ADGRV1: variants seen among roughly 807,000 people sequenced by gnomAD.
The protein encoded by ADGRV1 is G-protein coupled receptor 98.
Under a neutral mutation model 596.2 loss-of-function variants are expected in ADGRV1, and 359 were observed. The observed-to-expected ratio is 0.60, with a 90% CI of 0.55 to 0.66. The LOEUF is 0.66. ADGRV1 is among the 30% of genes least tolerant of loss of function. The probability of loss-of-function intolerance (pLI) is 0.00; values close to 1 mark genes in which losing one functional copy is unlikely to be tolerated. For synonymous variants in ADGRV1, 2,681 were observed against 2,679.2 expected (o/e 1.00, Z -0.02); for missense variants, 7,274 against 7,575.6 (o/e 0.96, Z 1.48).
chr5:91,001,970 C>T (rs372700035), intron 85 of ADGRV1, among the ~76,000 whole-genome samples: 2 of 152,118 alleles, frequency 1.3e-5, no homozygotes, highest in East Asian at 3.9e-4. Flanking sequence ...TGATATTATT[C>T]ACATCAGAAC....
In ADGRV1 at chr5:90,900,872, A is replaced by T. The variant is rs1202007135; in HGVS notation, c.17856+37015A>T. ...ATGTCCCCTACCCCAAAATACAAAG[A>T]ATAAAATAACAGTCTTTCATAGTAC... On this transcript the variant is annotated intron_variant, in intron 83 of 89. Coordinates refer to ENST00000405460, the MANE Select transcript of ADGRV1 (RefSeq NM_032119.4). Among the ~76,000 whole-genome samples the T allele has an allele frequency of 7.2e-5, 11 of 152,184 alleles. 1 individual carries two copies. The South Asian group carries it at 1.4e-3, about 20-fold the overall frequency.
At chr5:91,071,318 A>G (rs1440764743) in intron 85 of ADGRV1, among the ~76,000 whole-genome samples, 2 of 152,150 alleles carry the variant, frequency 1.3e-5, no homozygotes, top group African/African-American at 2.4e-5. Context: ...CCATGGCCAT[A>G]AATCCTGATG....
chr5:90,694,297 A>T lies in ADGRV1; in HGVS notation c.7541A>T (p.Gln2514Leu). 7 of 1,614,004 alleles carry T rather than the reference A, an allele frequency of 4.3e-6. No homozygotes were observed. Among genetic ancestry groups the T allele is most frequent in the Non-Finnish European group, 5.9e-6 (7 of 1,179,870 alleles). ...EPVTRQWAIM[Q>L]EGDEFANLTV... is the part of the protein sequence containing the mutation. ...GTGACAAGGCAATGGGCCATAATGC[A>T]GGAAGGTGATGAATTCGCAAATCTC... The change falls in exon 33 of 90, where the codon CAG (glutamine) becomes CTG (leucine). Residue 2514 changes from glutamine (Q) to leucine (L), a missense_variant. By Grantham distance (113) the Gln-to-Leu change is moderately radical. Transcript: ENST00000405460.
rs139702329 is a variant in ADGRV1, at chr5:90,784,439, C to T, written c.13653+382C>T. ...TTATTAAGCAGAGCTGAGCAATAAA[C>T]AACTAAAAATAAATTGATCTGATAA... On this transcript the variant is annotated intron_variant, in intron 67 of 89. Transcript: ENST00000405460. Among the ~76,000 whole-genome samples, 202 of 152,198 alleles carry T rather than the reference C, an allele frequency of 1.3e-3. 1 individual carries two copies. Among genetic ancestry groups the T allele is most frequent in the African/African-American group, 4.5e-3 (186 of 41,530 alleles).
intron 83 of ADGRV1, among the ~76,000 whole-genome samples, chr5:90,929,038 T>C (rs1195502673): frequency 1.3e-5 from 2 of 150,638 alleles, no homozygotes; most frequent in Non-Finnish European, 3.0e-5. Flanking sequence ...TCTTCAAAGC[T>C]GTCAGACAGG....
chr5:90,752,966 G>A (rs1012110867), intron 53 of ADGRV1, among the ~76,000 whole-genome samples: 1 of 152,152 alleles, frequency 6.6e-6, no homozygotes. Context: ...TGGTGTGTGA[G>A]GTGGGAATCA....
intron 69 of ADGRV1, 65 bp downstream of exon 69, chr5:90,789,916 G>A (rs762874491): frequency 2.4e-5 from 27 of 1,147,494 alleles, no homozygotes; most frequent in Admixed American, 3.7e-5. Context: ...AAGAGGGACA[G>A]GGAAACTGCA....
chr5:90,960,655 G>A (rs1352369406), intron 83 of ADGRV1, among the ~76,000 whole-genome samples: 2 of 152,166 alleles, frequency 1.3e-5, no homozygotes, highest in Non-Finnish European at 2.9e-5. Context: ...CTAGGAATCT[G>A]CCGTGATCAG....
At chr5:90,755,910 A>G (rs1377074995) in intron 55 of ADGRV1, among the ~76,000 whole-genome samples, 2 of 150,498 alleles carry the variant, frequency 1.3e-5, no homozygotes, top group African/African-American at 4.9e-5. Context: ...GTTTTAGGTA[A>G]TAGTATCTCC....
intron 21 of ADGRV1, among the ~76,000 whole-genome samples, chr5:90,663,761 C>G (rs1450416612): frequency 6.6e-6 from 1 of 152,004 alleles, no homozygotes; most frequent in Non-Finnish European, 1.5e-5. Context: ...ATGTTTAAGT[C>G]TTTAATCCAT....
chr5:91,089,805 C>T (rs572995762), intron 86 of ADGRV1, among the ~76,000 whole-genome samples: 1 of 152,224 alleles, frequency 6.6e-6, no homozygotes, highest in South Asian at 2.1e-4. Context: ...GACCATTTAG[C>T]CAGATTCAAA....
chr5:91,062,320 C>A (rs919173388), intron 85 of ADGRV1, among the ~76,000 whole-genome samples: 1 of 152,202 alleles, frequency 6.6e-6, no homozygotes, highest in African/African-American at 2.4e-5. Flanking sequence ...CAGATTGGCT[C>A]AGCTCAGCTT....
intron 85 of ADGRV1, among the ~76,000 whole-genome samples, chr5:91,027,940 A>AT (rs986430887): frequency 6.6e-6 from 1 of 151,940 alleles, no homozygotes; most frequent in African/African-American, 2.4e-5. Flanking sequence ...TGCTAAGGGA[A>AT]TTTTTTTCCA....
chr5:90,785,728 G>A (rs1759364709), intron 67 of ADGRV1, among the ~76,000 whole-genome samples: 1 of 152,116 alleles, frequency 6.6e-6, no homozygotes, highest in African/African-American at 2.4e-5. Context: ...TTAGAATGGC[G>A]ATCATTAAAA....
chr5:90,801,762 C>A (rs901683148), intron 70 of ADGRV1, among the ~76,000 whole-genome samples: 1 of 152,012 alleles, frequency 6.6e-6, no homozygotes, highest in Non-Finnish European at 1.5e-5. Context: ...TGGGAATATT[C>A]CAGGTTGTGA....
intron 87 of ADGRV1, among the ~76,000 whole-genome samples, chr5:91,144,680 T>C (rs1272099814): frequency 1.3e-5 from 2 of 152,184 alleles, no homozygotes; most frequent in Non-Finnish European, 2.9e-5. Flanking sequence ...TGGTAATGCA[T>C]AGAAAGAATT....
At position 90,810,881 on chromosome 5, in the gene ADGRV1, G is replaced by GAAAA. The variant is rs1762378602; in HGVS notation, c.15621_15622insAAAA (p.Ala5208LysfsTer24). ...CTGCTGTGTCTGAAAAGCCTGATGT[G>GAAAA]GCCACTGTAACTGCCAATGTTTCCA... On this transcript the variant is annotated frameshift_variant, in exon 74 of 90. Coordinates refer to ENST00000405460, the MANE Select transcript of ADGRV1 (RefSeq NM_032119.4). LOFTEE classifies it high-confidence loss of function. 1 of 1,613,872 alleles carries GAAAA rather than the reference G, an allele frequency of 6.2e-7. No individual in the cohort carries two copies. Among genetic ancestry groups the GAAAA allele is most frequent in the Non-Finnish European group, 8.5e-7 (1 of 1,179,902 alleles).
chr5:91,070,060 G>C (rs1788247391), intron 85 of ADGRV1, among the ~76,000 whole-genome samples: 1 of 152,114 alleles, frequency 6.6e-6, no homozygotes. Context: ...TAAGCATTGG[G>C]TACTCTTGGA....
chr5:90,580,108 T>G (rs2151972832), intron 1 of ADGRV1, among the ~76,000 whole-genome samples: 1 of 152,358 alleles, frequency 6.6e-6, no homozygotes, highest in African/African-American at 2.4e-5. Flanking sequence ...TTAACCCATT[T>G]ACATTTAAGG....
Sources: allele counts gnomAD v4.1 joint callset (sites outside exome capture counted in the v4.1 genomes callset), GRCh38; gene constraint gnomAD v4.1.1; transcripts MANE v1.5; gene names NCBI Gene and HGNC (gene_info 2026-07-23, HGNC 2026-07-21).